The following LTF variants were observed in gnomAD, a reference collection of about 807,000 sequenced individuals.
The protein encoded by LTF is epididymis luminal protein 110.
LTF carries 91 observed loss-of-function variants against 87.2 expected under a neutral mutation model. That is an observed-to-expected ratio of 1.04 (90% CI 0.88 to 1.24). The LOEUF (loss-of-function observed/expected upper bound fraction) is 1.24, where lower values mean the gene tolerates loss of function less well. LTF is among the 50% of genes most tolerant of loss of function. LTF has a pLI of 0.00. For synonymous variants in LTF, 378 were observed against 356.1 expected, an observed-to-expected ratio of 1.06 and a Z score of -0.69; for missense variants, 901 against 904.3, an observed-to-expected ratio of 1.00 and a Z score of 0.05.
intron 6 of LTF, among the ~76,000 whole-genome samples, chr3:46,452,353 C>A (rs1244523719): frequency 2.6e-5 from 4 of 152,054 alleles, no homozygotes; most frequent in Non-Finnish European, 5.9e-5. Flanking sequence ...ATCAAAGAAA[C>A]TAAAAAGAGG....
chr3:46,450,335 G>A lies in LTF; in HGVS notation c.882+160C>T, dbSNP rs137890836. The stretch of plus-strand genomic sequence containing the variant: ...GTGACAGAAGAGTTTCATTGCTTCT[G>A]CTGTCCACAGTACAGCCTGGGCAAG... On this transcript the variant is annotated intron_variant, in intron 7 of 16. Coordinates refer to ENST00000231751, the MANE Select transcript of LTF (RefSeq NM_002343.6). Among the ~76,000 whole-genome samples, 746 of 152,248 alleles carry A rather than the reference G, an allele frequency of 4.9e-3. 6 individuals are homozygous for A. Among genetic ancestry groups the A allele is most frequent in the African/African-American group, 0.017 (700 of 41,538 alleles).
intron 15 of LTF, 52 bp from the exon 16 acceptor site, chr3:46,438,181 G>A (rs1255758650): frequency 1.4e-6 from 2 of 1,453,024 alleles, no homozygotes; most frequent in Non-Finnish European, 1.9e-6. Context: ...GAATTTATGG[G>A]TTAAAGGAGG....
intron 8 of LTF, among the ~76,000 whole-genome samples, chr3:46,449,509 C>G (rs1316174389): frequency 6.6e-6 from 1 of 152,190 alleles, no homozygotes; most frequent in Non-Finnish European, 1.5e-5. Flanking sequence ...GTGTCCCCAA[C>G]TAAGTTCAAG....
rs1267313808 is a variant in LTF at position 46,474,367 on chromosome 3, A to G, written c.-319-3901T>C. 2.6e-5 allele frequency among the ~76,000 whole-genome samples: 4 copies of G among 152,254 alleles called. No individual in the cohort carries two copies. In the East Asian group the frequency reaches 7.7e-4, roughly 29 times the overall value. On this transcript the variant is annotated intron_variant, in intron 1 of 19. Coordinates refer to the LTF transcript ENST00000443496. ...AAAGAAAATTATTAGGGGCAGAAAG[A>G]AACATTATGTAATAATGAAAGAGTC...
chr3:46,465,772 T>A (rs1703199923), upstream of LTF, among the ~76,000 whole-genome samples: 1 of 152,212 alleles, frequency 6.6e-6, no homozygotes, highest in Non-Finnish European at 1.5e-5. Flanking sequence ...TACATTCCCA[T>A]GACACACAGC....
intron 2 of LTF, 52 bp downstream of exon 2, chr3:46,459,604 C>A (rs1703024933): frequency 7.3e-7 from 1 of 1,362,928 alleles, no homozygotes; most frequent in African/African-American, 1.5e-5. Flanking sequence ...TTTTCCATTT[C>A]TCTCTCCCTT....
chr3:46,464,529 T>A (rs576369003), intron 1 of LTF, among the ~76,000 whole-genome samples: 1 of 152,298 alleles, frequency 6.6e-6, no homozygotes, highest in East Asian at 1.9e-4. Flanking sequence ...CACAATACAA[T>A]GGGGACCAAA....
intron 15 of LTF, among the ~76,000 whole-genome samples, chr3:46,438,952 C>G (rs1702450532): frequency 6.6e-6 from 1 of 152,090 alleles, no homozygotes; most frequent in Non-Finnish European, 1.5e-5. Context: ...GTAAAAAGCA[C>G]TATACTAATG....
Position 46,436,191 on chromosome 3 carries a change from G to A in LTF, c.*4C>T, listed in dbSNP as rs376868882. 223 of 1,613,952 alleles carry A rather than the reference G, an allele frequency of 1.4e-4. No individual in the cohort carries two copies. The highest frequency in any genetic ancestry group is 1.7e-4 in the Non-Finnish European group (197 of 1,179,924). ...CTTGGGGAGCTGGGCCATCTTCTTC[G>A]GTTTTACTTCCTGAGGAATTCACAG... On this transcript the variant is annotated 3_prime_UTR_variant, in exon 17 of 17. Transcript: ENST00000231751.
At chr3:46,464,942 C>T (rs1703177780), upstream of LTF, 3 of 1,494,602 alleles carry the variant, frequency 2.0e-6, no homozygotes, top group African/African-American at 1.4e-5. Flanking sequence ...TTATTCAGGG[C>T]TTTGCCCCGC....
chr3:46,446,075 C>T (rs571692345), intron 11 of LTF, among the ~76,000 whole-genome samples: 1 of 152,208 alleles, frequency 6.6e-6, no homozygotes, highest in East Asian at 1.9e-4. Flanking sequence ...GTCACGAGGA[C>T]CCGGGGTCAA....
At chr3:46,482,817 AAG>A (rs1389871328) in intron 1 of LTF, among the ~76,000 whole-genome samples, 2 of 151,376 alleles carry the variant, frequency 1.3e-5, no homozygotes, top group Non-Finnish European at 2.9e-5. Flanking sequence ...GAAAGAAAGA[AAG>A]AAAGAGAAAG....
chr3:46,482,629 A>G (rs1341986592), intron 1 of LTF, among the ~76,000 whole-genome samples: 14 of 75,286 alleles, frequency 1.9e-4, no homozygotes, highest in African/African-American at 6.8e-4. Flanking sequence ...AGAAAGAAAG[A>G]AAGAAAGAAA....
At position 46,436,234 on chromosome 3, in the gene LTF, G is replaced by A. The variant is rs1575301041; in HGVS notation, c.2099-5C>T. On this transcript the variant is annotated splice_region_variant and splice_polypyrimidine_tract_variant and intron_variant, in intron 16 of 16. Coordinates refer to ENST00000231751, the MANE Select transcript of LTF (RefSeq NM_002343.6). ...ATTCACAGGCTTCCAGGAGGGCTGT[G>A]GGACACAACAGAGCAAGAGATTCAG... 1 of 1,613,778 alleles carries A rather than the reference G, an allele frequency of 6.2e-7. No homozygotes were observed. Among genetic ancestry groups the A allele is most frequent in the East Asian group, 2.2e-5 (1 of 44,878 alleles).
chr3:46,473,641 A>G (rs189323898), intron 1 of LTF, among the ~76,000 whole-genome samples: 116 of 152,154 alleles, frequency 7.6e-4, no homozygotes, highest in African/African-American at 2.2e-3. Flanking sequence ...GGCTGACTCC[A>G]TTCTTTGGAT....
rs148024670 is a variant in LTF at position 46,439,925 on chromosome 3, C to T, written c.1724-445G>A. On this transcript the variant is annotated intron_variant, in intron 14 of 16. Coordinates refer to ENST00000231751, the MANE Select transcript of LTF (RefSeq NM_002343.6). ...ACCTCATCTCAAAAAAAAAAACCCACCACATATTATATGACTCCATTTATA... is the reference window on the plus strand; with the variant it reads ...ACCTCATCTCAAAAAAAAAAACCCATCACATATTATATGACTCCATTTATA... Among the ~76,000 whole-genome samples the T allele has an allele frequency of 9.8e-3, 1,488 of 151,980 alleles. 29 individuals carry two copies. Among genetic ancestry groups the T allele is most frequent in the African/African-American group, 0.033 (1,388 of 41,480 alleles).
chr3:46,455,073 G>A (rs182869271), intron 5 of LTF, among the ~76,000 whole-genome samples: 7 of 152,332 alleles, frequency 4.6e-5, no homozygotes, highest in South Asian at 2.1e-4. Flanking sequence ...GTGACTGCCC[G>A]TGGGGCTGGT....
chr3:46,446,509 C>G lies in LTF; in HGVS notation c.1304-16G>C. 6.2e-7 allele frequency: 1 copy of G among 1,611,120 alleles called. No homozygotes were observed. The highest frequency in any genetic ancestry group is 8.5e-7 in the Non-Finnish European group (1 of 1,177,544). On this transcript the variant is annotated splice_polypyrimidine_tract_variant and intron_variant, in intron 10 of 16. Transcript: ENST00000231751. ...TGTTGGGATTCTGAAAGAATAAAGA[C>G]AAGCCAGACATCATTATCCATTCAG...
intron 9 of LTF, 75 bp from the exon 10 acceptor site, chr3:46,447,473 G>C: frequency 2.9e-6 from 3 of 1,036,114 alleles, no homozygotes; most frequent in Non-Finnish European, 4.6e-6. Context: ...AGCTCTCTGA[G>C]AGAATGGTTT....
Sources: gnomAD v4.1 joint callset for allele counts (sites outside exome capture counted in the v4.1 genomes callset) on GRCh38, gnomAD v4.1.1 for gene constraint, MANE v1.5 for transcripts, NCBI Gene and HGNC (gene_info 2026-07-23, HGNC 2026-07-21) for gene names.